Variants in DSC2 observed in about 807,000 individuals in gnomAD.
The protein encoded by DSC2 is desmocollin-2.
Under a neutral mutation model 87.6 loss-of-function variants are expected in DSC2, and 51 were observed. The observed-to-expected ratio is 0.58, with a 90% CI of 0.46 to 0.74. The LOEUF (loss-of-function observed/expected upper bound fraction) is 0.74. DSC2 is among the 30% of genes least tolerant of loss of function. The pLI is 0.00. For synonymous variants in DSC2, 383 were observed against 393.2 expected (o/e 0.97, Z 0.31); for missense variants, 1,066 against 1,089.5 (o/e 0.98, Z 0.30).
At chr18:31,093,289 G>A (rs1036688598) in intron 2 of DSC2, among the ~76,000 whole-genome samples, 4 of 151,982 alleles carry the variant, frequency 2.6e-5, no homozygotes, top group Non-Finnish European at 5.9e-5. Flanking sequence ...TGATGCTCTC[G>A]CCCTCCCAGA....
intron 11 of DSC2, among the ~76,000 whole-genome samples, chr18:31,075,629 T>C (rs1986989872): frequency 6.6e-6 from 1 of 152,136 alleles, no homozygotes; most frequent in Non-Finnish European, 1.5e-5. Context: ...GGTGGGCAGA[T>C]CACCTGAGGT....
At chr18:31,094,894 C>T (rs573989874) in intron 1 of DSC2, among the ~76,000 whole-genome samples, 26 of 152,290 alleles carry the variant, frequency 1.7e-4, no homozygotes, top group African/African-American at 5.5e-4. Flanking sequence ...AAGATTCCAG[C>T]TCAAGGTGAT....
At chr18:31,090,493 T>C (rs1173552548) in intron 4 of DSC2, among the ~76,000 whole-genome samples, 1 of 151,962 alleles carries the variant, frequency 6.6e-6, no homozygotes, top group Non-Finnish European at 1.5e-5. Flanking sequence ...GAGGTTGAGA[T>C]GGGAGATCAT....
At chr18:31,083,893 G>A (rs1332485318) in intron 7 of DSC2, among the ~76,000 whole-genome samples, 1 of 152,158 alleles carries the variant, frequency 6.6e-6, no homozygotes, top group Non-Finnish European at 1.5e-5. Flanking sequence ...AAACAATACA[G>A]TAATAATGCT....
rs1002214413 is a variant in DSC2, at chr18:31,064,613, G to A, written c.*3402C>T. The A allele has an allele frequency of 2.0e-5, 3 of 152,166 alleles. No individual in the cohort carries two copies. Among genetic ancestry groups the A allele is most frequent in the Non-Finnish European group, 4.4e-5 (3 of 68,042 alleles). The allele number at this position is 152,166 out of a possible 1,614,324, so 9.4% of individuals were successfully genotyped here. A position where few individuals can be genotyped will look rare whatever the true frequency, so the allele number is the denominator to read the frequency against. On this transcript the variant is annotated 3_prime_UTR_variant, in exon 16 of 16. Coordinates refer to ENST00000280904, the MANE Select transcript of DSC2 (RefSeq NM_024422.6). ...TGATTTGATGTGGTAGTATGTGTTT[G>A]TCTTTTTGCATGAGTTTGAAGTGCT...
At chr18:31,096,862 TA>T (rs112154196) in intron 1 of DSC2, among the ~76,000 whole-genome samples, 2 of 151,846 alleles carry the variant, frequency 1.3e-5, no homozygotes, top group African/African-American at 2.4e-5. Context: ...TAGGAAGATG[TA>T]AAAAAAATCT....
chr18:31,074,663 C>A lies in DSC2; in HGVS notation c.1888+20G>T, dbSNP rs2144799277. Reference sequence around the variant, plus strand: ...CATCCTGATGTTGAAAAGGACAAAGCAATTTTCAAAAATATATACCATTAA... The same window carrying A: ...CATCCTGATGTTGAAAAGGACAAAGAAATTTTCAAAAATATATACCATTAA... On this transcript the variant is annotated intron_variant, in intron 12 of 15. Transcript: ENST00000280904. 6.2e-7 allele frequency: 1 copy of A among 1,608,262 alleles called. No homozygotes were observed. The highest frequency in any genetic ancestry group is 2.2e-5 in the East Asian group (1 of 44,594).
intron 1 of DSC2, among the ~76,000 whole-genome samples, chr18:31,094,781 G>A (rs998201668): frequency 5.3e-5 from 8 of 152,190 alleles, no homozygotes; most frequent in Non-Finnish European, 1.2e-4. Context: ...TGTTGGGATA[G>A]ACACAATGAA....
chr18:31,082,524 G>T, intron 8 of DSC2, 101 bp from the exon 9 acceptor site: 2 of 1,094,044 alleles, frequency 1.8e-6, no homozygotes, highest in South Asian at 1.3e-5. Context: ...AAAGTACTAT[G>T]TTTACATGAT....
intron 1 of DSC2, among the ~76,000 whole-genome samples, chr18:31,098,450 C>T (rs1480066684): frequency 1.4e-4 from 21 of 151,874 alleles, no homozygotes; most frequent in Admixed American, 1.3e-3. Context: ...CAAAATCTAA[C>T]AAAATTAGAC....
chr18:31,064,433 T>C lies in DSC2; in HGVS notation c.*3582A>G, dbSNP rs1986565395. ...ACTACAGTACAAACAAAGTATTTAA[T>C]GAATGAAATTGTGTCTACAATTCTC... On this transcript the variant is annotated 3_prime_UTR_variant, in exon 16 of 16. Coordinates refer to ENST00000280904, the MANE Select transcript of DSC2 (RefSeq NM_024422.6). 6.6e-6 allele frequency: 1 copy of C among 152,186 alleles called. No homozygotes were observed. Among genetic ancestry groups the C allele is most frequent in the African/African-American group, 2.4e-5 (1 of 41,460 alleles). The allele number at this position is 152,186 out of a possible 1,614,324, so 9.4% of individuals were successfully genotyped here.
intron 7 of DSC2, among the ~76,000 whole-genome samples, chr18:31,085,258 T>C (rs1225189682): frequency 6.6e-6 from 1 of 152,016 alleles, no homozygotes; most frequent in East Asian, 1.9e-4. Context: ...ACAGACTAAA[T>C]GCAGAAGGAG....
At chr18:31,098,686 C>G (rs1041312160) in intron 1 of DSC2, among the ~76,000 whole-genome samples, 1 of 151,784 alleles carries the variant, frequency 6.6e-6, no homozygotes, top group Admixed American at 6.6e-5. Flanking sequence ...AACTCCTGAG[C>G]TCAAGTGATC....
intron 12 of DSC2, among the ~76,000 whole-genome samples, chr18:31,072,519 A>G (rs892869775): frequency 6.6e-6 from 1 of 152,232 alleles, no homozygotes; most frequent in African/African-American, 2.4e-5. Context: ...TTTATGGTGC[A>G]TAAGCATGAT....
chr18:31,094,605 GT>G (rs1470002718), intron 1 of DSC2, among the ~76,000 whole-genome samples: 1 of 152,134 alleles, frequency 6.6e-6, no homozygotes, highest in Non-Finnish European at 1.5e-5. Context: ...AAGCAAGACA[GT>G]TAACTAGCAT....
intron 1 of DSC2, 113 bp from the exon 2 acceptor site, chr18:31,093,756 A>G (rs1987680978): frequency 3.1e-6 from 1 of 326,520 alleles, no homozygotes; most frequent in Admixed American, 5.4e-5. Flanking sequence ...AAAGGCATAT[A>G]ATACTTATAT....
At chr18:31,079,752 C>T in intron 11 of DSC2, 95 bp downstream of exon 11, 1 of 1,405,160 alleles carries the variant, frequency 7.1e-7, no homozygotes, top group Non-Finnish European at 1.0e-6. Flanking sequence ...AAACAGAGTG[C>T]ATGTATCCAG....
Position 31,067,598 on chromosome 18 carries a change from C to A in DSC2, c.*417G>T. 5.1e-6 allele frequency: 1 copy of A among 194,528 alleles called. No homozygotes were observed. The highest frequency in any genetic ancestry group is 9.4e-5 in the South Asian group (1 of 10,624). The allele number at this position is 194,528 out of a possible 1,614,324, so 12.1% of individuals were successfully genotyped here. On this transcript the variant is annotated 3_prime_UTR_variant, in exon 16 of 16. Coordinates refer to ENST00000280904, the MANE Select transcript of DSC2 (RefSeq NM_024422.6). ...AGATGTTCAGGAAAACAACAGTTTCCAAGCACCACATGAACACTTAATTAA... is the reference window on the plus strand; with the variant it reads ...AGATGTTCAGGAAAACAACAGTTTCAAAGCACCACATGAACACTTAATTAA...
chr18:31,097,152 G>T (rs1435280036), intron 1 of DSC2, among the ~76,000 whole-genome samples: 3 of 152,060 alleles, frequency 2.0e-5, no homozygotes, highest in East Asian at 3.9e-4. Flanking sequence ...GCCAGGCGTG[G>T]TGGCGGGCAC....
Sources: gnomAD v4.1 joint callset for allele counts (sites outside exome capture counted in the v4.1 genomes callset) on GRCh38, gnomAD v4.1.1 for gene constraint, MANE v1.5 for transcripts, NCBI Gene and HGNC (gene_info 2026-07-23, HGNC 2026-07-21) for gene names.